The following DTHD1 variants were observed in gnomAD, a reference collection of about 807,000 sequenced individuals.
DTHD1 encodes the protein death domain-containing protein 1.
A neutral mutation model predicts 74.8 loss-of-function variants in DTHD1; 59 were observed. That is an observed-to-expected ratio of 0.79 (90% CI 0.64 to 0.98). The LOEUF is 0.98. Ranked by LOEUF, DTHD1 falls within the 50% of genes least tolerant of loss-of-function variation. The pLI is 0.00. For missense variants in DTHD1, 1,051 were observed against 1,065.4 expected (o/e 0.99, Z 0.19); for synonymous variants, 365 against 371.1 (o/e 0.98, Z 0.19).
At chr4:36,316,604 T>TA in intron 8 of DTHD1, 118 bp downstream of exon 8, 1 of 1,090,504 alleles carries the variant, frequency 9.2e-7, no homozygotes, top group Non-Finnish European at 1.3e-6. Flanking sequence ...AGAATAGAGG[T>TA]AATAAAGAAG....
intron 8 of DTHD1, chr4:36,333,386 A>G (rs923479702): frequency 2.0e-5 from 3 of 152,110 alleles, no homozygotes; most frequent in Non-Finnish European, 4.4e-5. Context: ...GGCCTATTTT[A>G]TTTAGTTCTG....
At position 36,308,425 on chromosome 4, in the gene DTHD1, C is replaced by G. The variant is rs955067649; in HGVS notation, c.2027C>G (p.Ser676Cys). The change falls in exon 7 of 10, where the codon TCT (serine) becomes TGT (cysteine). Residue 676 changes from serine (S) to cysteine (C), a missense_variant. Ser to Cys is a moderately radical substitution (Grantham distance 112, BLOSUM62 -1). Transcript: ENST00000639862. ...GGGTTTGGAGGACCTCCAGAGCCAT[C>G]TCGTCATTTCCAAGTTCGAGAAGGA... ...LEGFGGPPEP[S>C]RHFQVREGEQ... is the part of the protein sequence containing the mutation. 9 of 1,551,912 alleles carry G rather than the reference C, an allele frequency of 5.8e-6. No individual in the cohort carries two copies. The highest frequency in any genetic ancestry group is 7.8e-6 in the Non-Finnish European group (9 of 1,147,040).
intron 5 of DTHD1, among the ~76,000 whole-genome samples, chr4:36,302,916 T>A (rs1399092658): frequency 6.6e-6 from 1 of 152,216 alleles, no homozygotes; most frequent in African/African-American, 2.4e-5. Context: ...GCATCATGAA[T>A]ATCACAAAGA....
intron 8 of DTHD1, among the ~76,000 whole-genome samples, chr4:36,334,808 A>T (rs1362398755): frequency 6.6e-6 from 1 of 152,238 alleles, no homozygotes; most frequent in Non-Finnish European, 1.5e-5. Context: ...GGATACATAA[A>T]AACCTTGCTG....
intron 1 of DTHD1, among the ~76,000 whole-genome samples, chr4:36,283,145 C>G (rs972689536): frequency 6.6e-6 from 1 of 152,132 alleles, no homozygotes; most frequent in Admixed American, 6.5e-5. Flanking sequence ...GAACTGAATT[C>G]TAAAGACTAG....
intron 8 of DTHD1, among the ~76,000 whole-genome samples, chr4:36,334,832 A>T (rs1758916446): frequency 6.6e-6 from 1 of 152,226 alleles, no homozygotes; most frequent in South Asian, 2.1e-4. Flanking sequence ...AGATTGTGTG[A>T]ACAGCTAAAA....
At chr4:36,334,995 AT>A (rs1480896619) in intron 8 of DTHD1, among the ~76,000 whole-genome samples, 2 of 152,336 alleles carry the variant, frequency 1.3e-5, no homozygotes, top group African/African-American at 4.8e-5. Context: ...GGCACAATAA[AT>A]CAGTGAATGT....
intron 1 of DTHD1, 33 bp from the exon 2 acceptor site, chr4:36,283,939 GTATT>G: frequency 7.2e-7 from 1 of 1,398,326 alleles, no homozygotes; most frequent in Non-Finnish European, 9.6e-7. Flanking sequence ...GTTTAGTTTT[GTATT>G]TATTCTTTGT....
At chr4:36,323,315 G>T (rs76358010) in intron 8 of DTHD1, among the ~76,000 whole-genome samples, 1,927 of 152,230 alleles carry the variant, frequency 0.013, 33 homozygotes, top group African/African-American at 0.043. Flanking sequence ...GAATCAGTTC[G>T]TCAGAATCGC....
intron 9 of DTHD1, among the ~76,000 whole-genome samples, chr4:36,342,649 G>A (rs1454641838): frequency 6.6e-6 from 1 of 152,040 alleles, no homozygotes; most frequent in Non-Finnish European, 1.5e-5. Flanking sequence ...TCGTGTGTAT[G>A]TCTGCGTGTG....
intron 7 of DTHD1, among the ~76,000 whole-genome samples, chr4:36,313,997 T>C (rs1438513007): frequency 6.6e-6 from 1 of 151,432 alleles, no homozygotes; most frequent in Non-Finnish European, 1.5e-5. Flanking sequence ...TAGTCTACTT[T>C]TTTTTTTTTA....
In DTHD1 at chr4:36,291,038, A is replaced by C. The variant is rs559635788; in HGVS notation, c.1218+335A>C. ...TCTAATATGATGGACCCTTGTCTAA[A>C]TTTAAGAATGTTAGAATCTCCAGAT... is the stretch of plus-strand genomic sequence containing the variant. On this transcript the variant is annotated intron_variant, in intron 3 of 9. Transcript: ENST00000639862. Among the ~76,000 whole-genome samples the C allele has an allele frequency of 7.2e-4, 110 of 152,356 alleles. No homozygotes were observed. In the Middle Eastern group the frequency reaches 0.01, roughly 14 times the overall value.
chr4:36,285,239 G>T (rs1253882982), intron 2 of DTHD1, among the ~76,000 whole-genome samples: 2 of 152,118 alleles, frequency 1.3e-5, no homozygotes, highest in East Asian at 3.8e-4. Context: ...TGAATACTTT[G>T]CAAATTACTA....
At chr4:36,310,459 AG>A (rs1757329807) in intron 7 of DTHD1, among the ~76,000 whole-genome samples, 1 of 152,222 alleles carries the variant, frequency 6.6e-6, no homozygotes, top group Admixed American at 6.5e-5. Flanking sequence ...GTGGTGGAAT[AG>A]AATCAGACAG....
chr4:36,329,238 C>T (rs73806804), intron 8 of DTHD1, among the ~76,000 whole-genome samples: 47 of 152,228 alleles, frequency 3.1e-4, no homozygotes, highest in African/African-American at 1.1e-3. Context: ...TACCCTTTGC[C>T]GAAACTAAGC....
chr4:36,302,578 T>G (rs897741456), intron 5 of DTHD1, among the ~76,000 whole-genome samples: 3 of 152,194 alleles, frequency 2.0e-5, no homozygotes, highest in African/African-American at 7.2e-5. Context: ...ATAATATTAA[T>G]GTAAATATGA....
chr4:36,333,687 A>G (rs1758832334), intron 8 of DTHD1: 1 of 152,266 alleles, frequency 6.6e-6, no homozygotes, highest in Non-Finnish European at 1.5e-5. Context: ...ATATGGCACC[A>G]TGAGAGGAAA....
At chr4:36,311,259 T>G (rs570979351) in intron 7 of DTHD1, 2 of 152,312 alleles carry the variant, frequency 1.3e-5, no homozygotes, top group East Asian at 1.9e-4. Context: ...ATCCTGGGTT[T>G]GCTTTTCCTA....
intron 8 of DTHD1, among the ~76,000 whole-genome samples, chr4:36,335,391 T>C (rs1413694983): frequency 6.6e-6 from 1 of 152,002 alleles, no homozygotes; most frequent in Admixed American, 6.6e-5. Context: ...ACCTGGCTAT[T>C]TTTTTGTATT....
Sources: gnomAD v4.1 joint callset for allele counts (sites outside exome capture counted in the v4.1 genomes callset) on GRCh38, gnomAD v4.1.1 for gene constraint, MANE v1.5 for transcripts, NCBI Gene and HGNC (gene_info 2026-07-23, HGNC 2026-07-21) for gene names.